The following OCA2 variants were observed in gnomAD, a reference collection of about 807,000 sequenced individuals.
The protein encoded by OCA2 is OCA2 melanosomal transmembrane protein, also known as P protein.
OCA2 carries 77 observed loss-of-function variants against 100.2 expected under a neutral mutation model. The ratio of observed to expected loss-of-function variants is 0.77; its 90% CI spans 0.64 to 0.93. The LOEUF (loss-of-function observed/expected upper bound fraction) is 0.93, where lower values mean the gene tolerates loss of function less well. Ranked by LOEUF, OCA2 falls within the 40% of genes least tolerant of loss-of-function variation. The pLI is 0.00. For missense variants in OCA2, 1,062 were observed against 1,089.1 expected (o/e 0.98, Z 0.35); for synonymous variants, 432 against 439.2 (o/e 0.98, Z 0.21).
intron 14 of OCA2, among the ~76,000 whole-genome samples, chr15:27,975,181 T>A (rs1595747984): frequency 6.6e-6 from 1 of 152,210 alleles, no homozygotes; most frequent in Non-Finnish European, 1.5e-5. Context: ...TAATTCAGAT[T>A]GTGTGTAAGA....
rs190885415 is a variant in OCA2, at chr15:27,896,623, T to A, written c.2080-24701A>T. 99 of 174,820 alleles carry A rather than the reference T, an allele frequency of 5.7e-4. 1 individual carries two copies. The highest frequency in any genetic ancestry group is 2.8e-3 in the African/African-American group (89 of 31,900). The allele number at this position is 174,820 out of a possible 1,614,324, so 10.8% of individuals were successfully genotyped here. On this transcript the variant is annotated intron_variant, in intron 19 of 23. Transcript: ENST00000354638. ...ATGAGGATTTTTCAGATGAAGATCA[T>A]AAACTTATTGACAGCAAAAAAAAAA... is the stretch of plus-strand genomic sequence containing the variant.
the OCA2 span, among the ~76,000 whole-genome samples, chr15:27,720,513 T>C: frequency 6.6e-6 from 1 of 151,098 alleles, no homozygotes; most frequent in Middle Eastern, 3.5e-3. Context: ...AGAAGCTGTA[T>C]AAATATATTC....
chr15:27,923,320 A>C (rs2140350982), intron 19 of OCA2, among the ~76,000 whole-genome samples: 1 of 152,356 alleles, frequency 6.6e-6, no homozygotes, highest in Non-Finnish European at 1.5e-5. Context: ...ACACATGTGC[A>C]TATGTCTTTA....
At chr15:27,844,483 C>A (rs1231625321) in intron 23 of OCA2, among the ~76,000 whole-genome samples, 1 of 152,198 alleles carries the variant, frequency 6.6e-6, no homozygotes, top group Non-Finnish European at 1.5e-5. Context: ...GATATCTGAA[C>A]CATCCTCTGT....
intron 21 of OCA2, among the ~76,000 whole-genome samples, chr15:27,853,532 C>T (rs2035839856): frequency 6.6e-6 from 1 of 150,852 alleles, no homozygotes; most frequent in South Asian, 2.1e-4. Flanking sequence ...ATGTAACTAA[C>T]CTGCACAATG....
intron 23 of OCA2, among the ~76,000 whole-genome samples, chr15:27,843,533 G>A (rs561787963): frequency 1.3e-5 from 2 of 152,288 alleles, no homozygotes; most frequent in South Asian, 2.1e-4. Flanking sequence ...GCAGATGAGA[G>A]TCCAAACAGA....
chr15:27,967,215 G>C (rs1292142593), intron 14 of OCA2, among the ~76,000 whole-genome samples: 1 of 152,206 alleles, frequency 6.6e-6, no homozygotes, highest in Non-Finnish European at 1.5e-5. Flanking sequence ...GGGAGGGCCA[G>C]AGCCCAGGAG....
intron 9 of OCA2, among the ~76,000 whole-genome samples, chr15:27,997,088 A>AAGAAAGAAAG (rs368785616): frequency 0.053 from 6,823 of 127,814 alleles, 595 homozygotes; most frequent in African/African-American, 0.17. Flanking sequence ...AAGAGAGAGA[A>AAGAAAGAAAG]AGAAAGAAAG....
chr15:27,952,731 T>C (rs1012665211), intron 17 of OCA2, among the ~76,000 whole-genome samples: 1 of 152,088 alleles, frequency 6.6e-6, no homozygotes, highest in Admixed American at 6.5e-5. Flanking sequence ...CAGGCTGGAG[T>C]GCAGTGGCAC....
chr15:28,069,751 A>G (rs933002979), intron 2 of OCA2, among the ~76,000 whole-genome samples: 1 of 143,802 alleles, frequency 7.0e-6, no homozygotes, highest in African/African-American at 2.8e-5. Flanking sequence ...TCAGCTCACT[A>G]CAACCTACAC....
chr15:27,879,424 TCAC>T (rs2036923919), intron 19 of OCA2, among the ~76,000 whole-genome samples: 1 of 152,150 alleles, frequency 6.6e-6, no homozygotes, highest in Non-Finnish European at 1.5e-5. Flanking sequence ...CTCTGAGGAA[TCAC>T]CACACTGTCT....
chr15:27,837,072 G>A (rs11855481), intron 23 of OCA2, among the ~76,000 whole-genome samples: 23,487 of 152,166 alleles, frequency 0.15, 2,709 homozygotes, highest in East Asian at 0.54. Flanking sequence ...TGTATCTTAC[G>A]TGGGTGGCAC....
At chr15:27,743,278 G>A in the OCA2 span, among the ~76,000 whole-genome samples, 1 of 152,174 alleles carries the variant, frequency 6.6e-6, no homozygotes, top group Non-Finnish European at 1.5e-5. Flanking sequence ...AGTCTGTAAG[G>A]GCTGCACTGC....
chr15:28,013,593 C>T (rs2042299994), intron 9 of OCA2, among the ~76,000 whole-genome samples: 2 of 152,158 alleles, frequency 1.3e-5, no homozygotes. Context: ...CAACAGGTTG[C>T]CCAGGGCAGA....
chr15:27,824,602 C>CTATATATATATATATATA (rs142689690), intron 23 of OCA2, among the ~76,000 whole-genome samples: 7 of 47,512 alleles, frequency 1.5e-4, no homozygotes, highest in Admixed American at 5.9e-4. Context: ...CTCTCTCTCT[C>CTATATATATATATATATA]TATATATATA....
At chr15:27,831,649 G>A (rs1282207561) in intron 23 of OCA2, among the ~76,000 whole-genome samples, 1 of 152,208 alleles carries the variant, frequency 6.6e-6, no homozygotes, top group Non-Finnish European at 1.5e-5. Context: ...CTTCCAGAGG[G>A]AGCGTGTCTG....
chr15:27,735,308 A>G, the OCA2 span, among the ~76,000 whole-genome samples: 3 of 152,216 alleles, frequency 2.0e-5, no homozygotes, highest in Admixed American at 6.5e-5. Context: ...TTGAAAATAT[A>G]TAGTCAGAGG....
chr15:27,940,686 CTGGTCTGTT>C (rs1352459949), intron 18 of OCA2, among the ~76,000 whole-genome samples: 7 of 152,184 alleles, frequency 4.6e-5, no homozygotes, highest in African/African-American at 1.7e-4. Context: ...TATATGTCAT[CTGGTCTGTT>C]TGCAAACGTT....
intron 19 of OCA2, among the ~76,000 whole-genome samples, chr15:27,920,186 A>T (rs2038806370): frequency 6.6e-6 from 1 of 152,190 alleles, no homozygotes; most frequent in African/African-American, 2.4e-5. Flanking sequence ...TTTAAATGTG[A>T]TTCAACTGTA....
Sources: allele counts gnomAD v4.1 joint callset (sites outside exome capture counted in the v4.1 genomes callset), GRCh38; gene constraint gnomAD v4.1.1; transcripts MANE v1.5; gene names NCBI Gene and HGNC (gene_info 2026-07-23, HGNC 2026-07-21).